Variants in CD80 observed in about 807,000 individuals in gnomAD.
CD80 encodes the protein CD80 molecule.
In CD80, 13 loss-of-function variants were observed where a neutral mutation model predicts 27.1. The observed-to-expected ratio is 0.48, with a 90% CI of 0.31 to 0.76. The LOEUF is 0.76. Ranked by LOEUF, CD80 falls within the 30% of genes least tolerant of loss-of-function variation. CD80 has a pLI of 0.04. For missense variants in CD80, 277 were observed against 347.9 expected, an observed-to-expected ratio of 0.80 and a Z score of 1.62; for synonymous variants, 125 against 125.5, an observed-to-expected ratio of 1.00 and a Z score of 0.03.
chr3:119,532,800 A>G (rs2082117113), intron 4 of CD80, among the ~76,000 whole-genome samples: 1 of 152,020 alleles, frequency 6.6e-6, no homozygotes, highest in Admixed American at 6.6e-5. Flanking sequence ...GATTTTTCTC[A>G]TCTCCCACCT....
At chr3:119,554,384 A>G (rs2082251454) in intron 2 of CD80, among the ~76,000 whole-genome samples, 1 of 152,074 alleles carries the variant, frequency 6.6e-6, no homozygotes, top group Non-Finnish European at 1.5e-5. Flanking sequence ...CCCTCTCCTT[A>G]GACCTGACCC....
At chr3:119,553,422 G>A (rs1439397392) in intron 2 of CD80, among the ~76,000 whole-genome samples, 1 of 152,170 alleles carries the variant, frequency 6.6e-6, no homozygotes, top group Non-Finnish European at 1.5e-5. Flanking sequence ...TTGCAGGAGT[G>A]AGCCACCGTG....
chr3:119,529,999 G>T, intron 4 of CD80, 62 bp from the exon 5 acceptor site: 1 of 1,202,354 alleles, frequency 8.3e-7, no homozygotes, highest in Non-Finnish European at 1.2e-6. Flanking sequence ...TACTCATTCT[G>T]TGCCTTTTCT....
intron 4 of CD80, 21 bp from the exon 5 acceptor site, chr3:119,529,958 T>A (rs112729650): frequency 6.6e-7 from 1 of 1,525,670 alleles, no homozygotes; most frequent in Non-Finnish European, 9.1e-7. Flanking sequence ...AAAAGAATAA[T>A]GTCAGCTGTA....
chr3:119,549,440 T>C (rs1281071246), intron 2 of CD80, among the ~76,000 whole-genome samples: 1 of 152,200 alleles, frequency 6.6e-6, no homozygotes, highest in African/African-American at 2.4e-5. Flanking sequence ...AAAAGCAGCA[T>C]CCCTCTAAGG....
At position 119,527,769 on chromosome 3, in the gene CD80, T is replaced by G. The variant is rs749648891; in HGVS notation, c.*2A>C. On this transcript the variant is annotated 3_prime_UTR_variant, in exon 6 of 7. Coordinates refer to ENST00000264246, the MANE Select transcript of CD80 (RefSeq NM_005191.4). ...TTCAGCCCCTTGCTTCTGCGGACAC[T>G]GTTATACAGGGCGTACACTTTCCCT... 3.1e-6 allele frequency: 5 copies of G among 1,613,026 alleles called. No homozygotes were observed. The highest frequency in any genetic ancestry group is 1.1e-5 in the South Asian group (1 of 91,054).
Position 119,528,974 on chromosome 3 carries a change from C to A in CD80, c.796+868G>T, listed in dbSNP as rs2082094478. On this transcript the variant is annotated intron_variant, in intron 5 of 6. Transcript: ENST00000264246. ...GTTTGTGTTTTGAGATGGAGTCTCACTCTGTCACCCAGGCTGGAGTGCAAT... is the reference window on the plus strand; with the variant it reads ...GTTTGTGTTTTGAGATGGAGTCTCAATCTGTCACCCAGGCTGGAGTGCAAT... Among the ~76,000 whole-genome samples, 6 of 150,584 alleles carry A rather than the reference C, an allele frequency of 4.0e-5. No individual in the cohort carries two copies. The South Asian group carries it at 1.3e-3, about 32-fold the overall frequency.
At chr3:119,556,758 G>A (rs541413138) in intron 2 of CD80, among the ~76,000 whole-genome samples, 1 of 152,098 alleles carries the variant, frequency 6.6e-6, no homozygotes. Flanking sequence ...TTGCAGACTG[G>A]CAAATCATGC....
intron 3 of CD80, among the ~76,000 whole-genome samples, chr3:119,538,263 T>C (rs932615969): frequency 2.0e-5 from 3 of 152,216 alleles, no homozygotes; most frequent in Middle Eastern, 3.2e-3. Flanking sequence ...CCAGAGCCTA[T>C]CTTTTCTTGA....
chr3:119,542,278 G>A (rs2082173943), intron 3 of CD80, among the ~76,000 whole-genome samples: 1 of 151,930 alleles, frequency 6.6e-6, no homozygotes, highest in Admixed American at 6.6e-5. Flanking sequence ...TGAAGTTTAA[G>A]ATAGTTCCAT....
rs190621131 is a variant in CD80 at position 119,531,126 on chromosome 3, A to G, written c.701-1189T>C. 5.3e-5 allele frequency among the ~76,000 whole-genome samples: 8 copies of G among 152,370 alleles called. No individual in the cohort carries two copies. In the East Asian group the frequency reaches 5.8e-4, roughly 11 times the overall value. On this transcript the variant is annotated intron_variant, in intron 4 of 6. Coordinates refer to ENST00000264246, the MANE Select transcript of CD80 (RefSeq NM_005191.4). Reference sequence around the variant, plus strand: ...GCCATAGCCAAATCCCTTGGGCCCAAAGTTCTTTGCATAGCACCATTACAA... The same window carrying G: ...GCCATAGCCAAATCCCTTGGGCCCAGAGTTCTTTGCATAGCACCATTACAA...
At chr3:119,558,341 T>C (rs951881642) in intron 1 of CD80, among the ~76,000 whole-genome samples, 1 of 152,174 alleles carries the variant, frequency 6.6e-6, no homozygotes, top group Admixed American at 6.5e-5. Flanking sequence ...AGAAAACAAG[T>C]ATCTCAATTC....
intron 2 of CD80, among the ~76,000 whole-genome samples, chr3:119,549,037 A>AAAATAAATAAATAAAT (rs112914312): frequency 2.6e-5 from 4 of 151,606 alleles, no homozygotes; most frequent in African/African-American, 9.7e-5. Flanking sequence ...ACTCCGTCTC[A>AAAATAAATAAATAAAT]AAATAAATAA....
At chr3:119,550,599 G>A (rs2082226252) in intron 2 of CD80, among the ~76,000 whole-genome samples, 1 of 152,162 alleles carries the variant, frequency 6.6e-6, no homozygotes, top group Non-Finnish European at 1.5e-5. Flanking sequence ...CAGTTGAAAC[G>A]GAAATGTCTC....
chr3:119,535,297 CAAGTA>C (rs1323878949), intron 4 of CD80, among the ~76,000 whole-genome samples: 1 of 151,888 alleles, frequency 6.6e-6, no homozygotes, highest in East Asian at 1.9e-4. Context: ...TTCGCAACTA[CAAGTA>C]AAGACATGAA....
intron 4 of CD80, among the ~76,000 whole-genome samples, chr3:119,535,798 G>A (rs1242079686): frequency 1.3e-5 from 2 of 152,126 alleles, no homozygotes; most frequent in Non-Finnish European, 2.9e-5. Flanking sequence ...CCATGGAACC[G>A]TGTGGGTGGC....
chr3:119,551,054 A>G (rs902106370), intron 2 of CD80, among the ~76,000 whole-genome samples: 5 of 152,362 alleles, frequency 3.3e-5, no homozygotes, highest in African/African-American at 1.2e-4. Flanking sequence ...TGTGATACAT[A>G]ATTACGTATG....
At chr3:119,540,194 C>A (rs1478329124) in intron 3 of CD80, among the ~76,000 whole-genome samples, 1 of 152,210 alleles carries the variant, frequency 6.6e-6, no homozygotes, top group Non-Finnish European at 1.5e-5. Context: ...CGTGATCCAC[C>A]AGCCTCGGCC....
At chr3:119,532,130 A>G (rs1311496919) in intron 4 of CD80, among the ~76,000 whole-genome samples, 2 of 151,956 alleles carry the variant, frequency 1.3e-5, no homozygotes, top group Admixed American at 6.6e-5. Flanking sequence ...TGTTGTTCCC[A>G]TGGTTCTGTT....
Sources: gnomAD v4.1 joint callset for allele counts (sites outside exome capture counted in the v4.1 genomes callset) on GRCh38, gnomAD v4.1.1 for gene constraint, MANE v1.5 for transcripts, NCBI Gene and HGNC (gene_info 2026-07-23, HGNC 2026-07-21) for gene names.